ZGRF1: variants seen among roughly 807,000 people sequenced by gnomAD.
ZGRF1 encodes the protein zinc finger GRF-type containing 1, also known as 5'-3' DNA helicase ZGRF1.
Under a neutral mutation model 203.5 loss-of-function variants are expected in ZGRF1, and 196 were observed. The observed-to-expected ratio is 0.96, with a 90% CI of 0.86 to 1.08. ZGRF1 has a LOEUF of 1.08. Among genes scored for constraint, ZGRF1 ranks in the 50% least tolerant of loss-of-function variants. The pLI is 0.00. For missense variants in ZGRF1, 2,326 were observed against 2,416.3 expected (o/e 0.96, Z 0.78); for synonymous variants, 809 against 841.3 (o/e 0.96, Z 0.66).
intron 16 of ZGRF1, chr4:112,564,925 C>CG (rs1250301073): frequency 3.1e-5 from 22 of 721,144 alleles, no homozygotes; most frequent in Non-Finnish European, 5.6e-5. Context: ...ACGCCAGCGC[C>CG]GCCTGTCGCT....
intron 22 of ZGRF1, among the ~76,000 whole-genome samples, chr4:112,550,384 G>C (rs528749730): frequency 1.3e-5 from 2 of 151,922 alleles, no homozygotes; most frequent in African/African-American, 4.8e-5. Flanking sequence ...AAATATTTTT[G>C]TATATACAAA....
chr4:112,580,099 A>G (rs1745946376), intron 16 of ZGRF1, among the ~76,000 whole-genome samples: 1 of 122,454 alleles, frequency 8.2e-6, no homozygotes, highest in Non-Finnish European at 1.8e-5. Context: ...ATGGAACAGA[A>G]CAGAGCCCTC....
intron 19 of ZGRF1, among the ~76,000 whole-genome samples, chr4:112,558,984 A>C (rs1741451507): frequency 6.6e-6 from 1 of 152,226 alleles, no homozygotes; most frequent in African/African-American, 2.4e-5. Context: ...GACTGCTTAG[A>C]GATAGGGCCA....
intron 9 of ZGRF1, among the ~76,000 whole-genome samples, chr4:112,605,385 T>C (rs1176834185): frequency 1.3e-5 from 2 of 152,170 alleles, no homozygotes; most frequent in African/African-American, 4.8e-5. Flanking sequence ...GGTCTCGAAC[T>C]CCTGGCCTCA....
intron 3 of ZGRF1, among the ~76,000 whole-genome samples, chr4:112,625,585 C>CA (rs35757277): frequency 0.51 from 51,702 of 101,948 alleles, 11,862 homozygotes; most frequent in East Asian, 0.65. Flanking sequence ...GATTCCGTCT[C>CA]AAAAAAAAAA....
rs1287738573 is a variant in ZGRF1, at chr4:112,541,231, C to T, written c.5636G>A (p.Cys1879Tyr). Residue 1879 changes from cysteine (C) to tyrosine (Y), a missense_variant, in exon 25 of 28, where the codon TGT becomes TAT. Coordinates refer to ENST00000505019, the MANE Select transcript of ZGRF1 (RefSeq NM_018392.5). ...KPILLRTQYR[C>Y]HPAISAIAND... ...AGCAATAGCACTGATTGCAGGATGA[C>T]AACGGTATTGAGTTCTCAATAGAAT... The T allele has an allele frequency of 6.2e-7, 1 of 1,607,684 alleles. No homozygotes were observed.
chr4:112,600,920 G>T (rs1004419324), intron 10 of ZGRF1, among the ~76,000 whole-genome samples: 1 of 151,968 alleles, frequency 6.6e-6, no homozygotes. Flanking sequence ...CTCCATGATC[G>T]CGATGGCCAC....
intron 16 of ZGRF1, among the ~76,000 whole-genome samples, chr4:112,576,824 G>C (rs1051246775): frequency 2.2e-4 from 33 of 152,102 alleles, no homozygotes; most frequent in African/African-American, 8.0e-4. Context: ...AAAGTGACAG[G>C]GAGAATGGAA....
chr4:112,610,414 T>C (rs1042831290), intron 7 of ZGRF1, among the ~76,000 whole-genome samples: 1 of 151,292 alleles, frequency 6.6e-6, no homozygotes, highest in Non-Finnish European at 1.5e-5. Flanking sequence ...CTACTAAAAA[T>C]ACAAAAATTA....
rs1426091713 is a variant in ZGRF1 at position 112,584,102 on chromosome 4, T to A, written c.4174A>T (p.Thr1392Ser). ...CKFFKWLEDV[T>S]PGYSTQEGAR... ...CCTTCCTGTGTTGAATATCCTGGAG[T>A]CACGTCCTCAAGCCATTTAAAGAAT... Residue 1392 changes from threonine (T) to serine (S), a missense_variant, in exon 15 of 28, where the codon ACT (threonine) becomes TCT (serine). Thr to Ser is a moderately conservative substitution (Grantham distance 58). Coordinates refer to ENST00000505019, the MANE Select transcript of ZGRF1 (RefSeq NM_018392.5). 4 of 1,613,348 alleles carry A rather than the reference T, an allele frequency of 2.5e-6. No individual in the cohort carries two copies. Among genetic ancestry groups the A allele is most frequent in the African/African-American group, 1.3e-5 (1 of 74,886 alleles).
chr4:112,610,909 AT>A, intron 7 of ZGRF1: 1 of 294,628 alleles, frequency 3.4e-6, no homozygotes, highest in South Asian at 2.8e-5. Context: ...ATATAAAACT[AT>A]TTATATACAT....
chr4:112,563,195 T>A lies in ZGRF1; in HGVS notation c.4518A>T (p.Ser1506=), dbSNP rs1476061393. The A allele has an allele frequency of 3.2e-6, 5 of 1,550,210 alleles. No homozygotes were observed. In the East Asian group the frequency reaches 9.8e-5, roughly 30 times the overall value. The part of the protein sequence containing the change: ...FIACSAFFGP[S]SINEIEILPL... ...GCAGTATTTCTATCTCATTGATAGA[T>A]GATGGTCCAAAGAAAGCACTACATG... The change falls in exon 17 of 28, where the codon TCA becomes TCT. Residue 1506 remains serine, a synonymous_variant. Transcript: ENST00000505019.
rs562387243 is a variant in ZGRF1 at position 112,605,091 on chromosome 4, G to C, written c.2802+917C>G. Among the ~76,000 whole-genome samples the C allele has an allele frequency of 2.0e-5, 3 of 151,832 alleles. No homozygotes were observed. In the South Asian group the frequency reaches 6.2e-4, roughly 32 times the overall value. Reference sequence around the variant, plus strand: ...ATGAGTCTCAACTGTTAAAGATTCTGTATATTTCTGCTTCTGCTTTGTCTG... The same window carrying C: ...ATGAGTCTCAACTGTTAAAGATTCTCTATATTTCTGCTTCTGCTTTGTCTG... On this transcript the variant is annotated intron_variant, in intron 9 of 27. Coordinates refer to ENST00000505019, the MANE Select transcript of ZGRF1 (RefSeq NM_018392.5).
chr4:112,607,219 G>A (rs998525742), intron 8 of ZGRF1, among the ~76,000 whole-genome samples: 2 of 152,060 alleles, frequency 1.3e-5, no homozygotes, highest in Non-Finnish European at 2.9e-5. Context: ...TGACCTCTGG[G>A]ATCAAGTAAT....
At chr4:112,603,121 C>T (rs1277728492) in intron 10 of ZGRF1, among the ~76,000 whole-genome samples, 2 of 151,986 alleles carry the variant, frequency 1.3e-5, no homozygotes, top group African/African-American at 4.8e-5. Flanking sequence ...TCATTCTAAC[C>T]TCATGACCTC....
In ZGRF1 at chr4:112,623,834, A is replaced by G; in HGVS notation, c.145T>C (p.Phe49Leu). 2 of 1,582,700 alleles carry G rather than the reference A, an allele frequency of 1.3e-6. No homozygotes were observed. The highest frequency in any genetic ancestry group is 8.6e-7 in the Non-Finnish European group (1 of 1,156,776). The change falls in exon 4 of 28, where the codon TTT becomes CTT. Residue 49 changes from phenylalanine to leucine, a missense_variant. Phe to Leu is a conservative substitution (Grantham distance 22). Transcript: ENST00000505019. ...TAAAATACCTCAAGGCATTTAAGAA[A>G]CAGACTCTCCAAACATGCTCCTTTG... Reference protein sequence around the residue: ...DDKGACLESLFLKCLEVKPGD... With the variant: ...DDKGACLESLLLKCLEVKPGD...
intron 6 of ZGRF1, among the ~76,000 whole-genome samples, chr4:112,616,242 G>A (rs1456241465): frequency 1.3e-5 from 2 of 151,932 alleles, no homozygotes; most frequent in African/African-American, 2.4e-5. Flanking sequence ...TTATGGGGCT[G>A]GGTGCAGTGG....
intron 10 of ZGRF1, 71 bp from the exon 11 acceptor site, chr4:112,589,945 T>C (rs1747869980): frequency 2.8e-6 from 3 of 1,070,110 alleles, no homozygotes; most frequent in Non-Finnish European, 1.3e-6. Context: ...GAATGAATTC[T>C]AGTAATCTAT....
chr4:112,615,290 C>T, intron 6 of ZGRF1, among the ~76,000 whole-genome samples: 1 of 152,046 alleles, frequency 6.6e-6, no homozygotes, highest in East Asian at 1.9e-4. Flanking sequence ...TGCAGTGACA[C>T]AATCTCTACT....
Sources: gnomAD v4.1 joint callset for allele counts (sites outside exome capture counted in the v4.1 genomes callset) on GRCh38, gnomAD v4.1.1 for gene constraint, MANE v1.5 for transcripts, NCBI Gene and HGNC (gene_info 2026-07-23, HGNC 2026-07-21) for gene names.